Variants in MAP3K14 observed in about 807,000 individuals in gnomAD.
MAP3K14 encodes mitogen-activated protein kinase kinase kinase 14, also known as NF-kappa-beta-inducing kinase.
Under a neutral mutation model 99.2 loss-of-function variants are expected in MAP3K14, and 16 were observed. The observed-to-expected ratio is 0.16, with a 90% confidence interval of 0.11 to 0.24. MAP3K14 has a LOEUF of 0.24. Ranked by LOEUF, MAP3K14 falls within the 10% of genes least tolerant of loss-of-function variation. MAP3K14 has a pLI of 1.00. For synonymous variants in MAP3K14, 462 were observed against 492.4 expected (o/e 0.94, Z 0.82); for missense variants, 784 against 1,208.7 (o/e 0.65, Z 5.21).
intron 8 of MAP3K14, 142 bp from the exon 9 acceptor site, chr17:45,273,749 T>G (rs1175770736): frequency 1.4e-6 from 1 of 724,586 alleles, no homozygotes; most frequent in Non-Finnish European, 2.5e-6. Context: ...ATTAGTTTCA[T>G]TAATCGTGGA....
At chr17:45,306,262 CAA>C (rs967949458) in intron 1 of MAP3K14, among the ~76,000 whole-genome samples, 14 of 152,142 alleles carry the variant, frequency 9.2e-5, no homozygotes, top group African/African-American at 3.4e-4. Context: ...AGGATTTGCA[CAA>C]GAGACTTTTA....
At chr17:45,299,568 G>C (rs774602659) in intron 1 of MAP3K14, among the ~76,000 whole-genome samples, 1 of 152,154 alleles carries the variant, frequency 6.6e-6, no homozygotes, top group Non-Finnish European at 1.5e-5. Context: ...AGATGTCTGA[G>C]GAAGGAGGAA....
chr17:45,276,823 CTTTTTTTTT>C (rs35012373), intron 6 of MAP3K14, among the ~76,000 whole-genome samples: 2 of 62,258 alleles, frequency 3.2e-5, no homozygotes, highest in African/African-American at 1.4e-4. Context: ...TCTTAGACTT[CTTTTTTTTT>C]TTTTTTTTTT....
Position 45,273,497 on chromosome 17 carries a change from C to A in MAP3K14, c.1657+6G>T. On this transcript the variant is annotated splice_donor_region_variant and intron_variant, in intron 9 of 15. Transcript: ENST00000344686. ...GGGGGGCACGGCAGTTGGTGGGGGG[C>A]CTTACCTGTGAGCAAGGACTTTCCC... The A allele has an allele frequency of 6.2e-7, 1 of 1,605,564 alleles. No individual in the cohort carries two copies. The highest frequency in any genetic ancestry group is 1.3e-5 in the African/African-American group (1 of 74,808).
intron 6 of MAP3K14, among the ~76,000 whole-genome samples, chr17:45,276,831 T>A (rs1055376111): frequency 7.6e-6 from 1 of 131,152 alleles, no homozygotes; most frequent in African/African-American, 2.9e-5. Flanking sequence ...TTCTTTTTTT[T>A]TTTTTTTTTT....
intron 1 of MAP3K14, among the ~76,000 whole-genome samples, chr17:45,301,078 G>A (rs2044384402): frequency 6.6e-6 from 1 of 151,928 alleles, no homozygotes. Context: ...TGAGGTGGAA[G>A]GATTGCTTTA....
At chr17:45,278,936 T>C (rs1000839205) in intron 6 of MAP3K14, among the ~76,000 whole-genome samples, 2 of 152,074 alleles carry the variant, frequency 1.3e-5, no homozygotes, top group African/African-American at 2.4e-5. Flanking sequence ...ATGTTGAGAT[T>C]ACAAGTGTGA....
Position 45,272,739 on chromosome 17 carries a change from A to T in MAP3K14, c.1657+764T>A, listed in dbSNP as rs1360575192. Among the ~76,000 whole-genome samples the T allele has an allele frequency of 6.6e-6, 1 of 152,220 alleles. No individual in the cohort carries two copies. The highest frequency in any genetic ancestry group is 1.5e-5 in the Non-Finnish European group (1 of 68,048). On this transcript the variant is annotated intron_variant, in intron 9 of 15. Coordinates refer to ENST00000344686, the MANE Select transcript of MAP3K14 (RefSeq NM_003954.5). This position sits in a 1 kb window ranked among gnomAD's most constrained non-coding sequence, Gnocchi z 4.1. ...CGGATCACCTAAGGTCTGGAGTTTG[A>T]GACTGGCCTGGCCAATATGGCAAAA... is the stretch of plus-strand genomic sequence containing the variant.
chr17:45,270,211 C>G (rs2044131520), intron 11 of MAP3K14, among the ~76,000 whole-genome samples: 2 of 152,132 alleles, frequency 1.3e-5, no homozygotes, highest in Non-Finnish European at 1.5e-5. Context: ...TTTTCTCTTT[C>G]CCATCTCCTG....
intron 6 of MAP3K14, among the ~76,000 whole-genome samples, chr17:45,275,749 T>C (rs973505230): frequency 2.1e-5 from 3 of 142,482 alleles, no homozygotes; most frequent in African/African-American, 7.7e-5. Flanking sequence ...CATTTTTTTT[T>C]CTTTTCTTTT....
chr17:45,274,442 AGAGTGGGACCT>A lies in MAP3K14; in HGVS notation c.1420+11_1420+21del. 6.2e-7 allele frequency: 1 copy of A among 1,612,670 alleles called. No individual in the cohort carries two copies. The highest frequency in any genetic ancestry group is 1.7e-5 in the Admixed American group (1 of 59,824). The stretch of plus-strand genomic sequence containing the variant: ...AACTCTTGGCCCTGAATTTGGAGAA[AGAGTGGGACCT>A]GGCTCCTTACCTTCCAGCAGCTCCA... On this transcript the variant is annotated intron_variant, in intron 7 of 15. Coordinates refer to ENST00000344686, the MANE Select transcript of MAP3K14 (RefSeq NM_003954.5).
At chr17:45,276,893 T>C (rs1598248685) in intron 6 of MAP3K14, among the ~76,000 whole-genome samples, 1 of 132,928 alleles carries the variant, frequency 7.5e-6, no homozygotes, top group Middle Eastern at 5.2e-3. Flanking sequence ...AGTGGTGTGA[T>C]ATCTCAGCTC....
At chr17:45,293,237 T>C (rs1007096025) in intron 1 of MAP3K14, among the ~76,000 whole-genome samples, 4 of 152,186 alleles carry the variant, frequency 2.6e-5, no homozygotes, top group African/African-American at 9.7e-5. Context: ...GGTGGTGCAG[T>C]TGCTGCTCTG....
At chr17:45,314,740 C>T (rs993568066) in intron 1 of MAP3K14, among the ~76,000 whole-genome samples, 11 of 152,060 alleles carry the variant, frequency 7.2e-5, no homozygotes, top group Non-Finnish European at 1.3e-4. Context: ...GATTTCTGAA[C>T]TTTCCCCCCA....
intron 1 of MAP3K14, among the ~76,000 whole-genome samples, chr17:45,307,757 T>C (rs1231450713): frequency 6.6e-6 from 1 of 152,210 alleles, no homozygotes; most frequent in East Asian, 1.9e-4. Context: ...TTCAAGTTCA[T>C]TGTAGTCACT....
At chr17:45,265,322 G>A (rs1286789454) in intron 14 of MAP3K14, 59 bp from the exon 15 acceptor site, 1 of 1,132,608 alleles carries the variant, frequency 8.8e-7, no homozygotes, top group African/African-American at 1.5e-5. Flanking sequence ...AAGGACCAGG[G>A]TCCTGGCAGG....
intron 1 of MAP3K14, among the ~76,000 whole-genome samples, chr17:45,291,203 G>A (rs1020870461): frequency 6.6e-6 from 1 of 152,148 alleles, no homozygotes; most frequent in Non-Finnish European, 1.5e-5. Context: ...TAAGCCTTTG[G>A]AGAGGACCTG....
chr17:45,297,302 T>C (rs2044352942), intron 1 of MAP3K14, among the ~76,000 whole-genome samples: 1 of 152,200 alleles, frequency 6.6e-6, no homozygotes, highest in Non-Finnish European at 1.5e-5. Context: ...ACCCCTAGCA[T>C]CTGCCCATCT....
chr17:45,277,837 G>A (rs1319137374), intron 6 of MAP3K14, among the ~76,000 whole-genome samples: 2 of 152,178 alleles, frequency 1.3e-5, no homozygotes, highest in African/African-American at 4.8e-5. Context: ...ATGAAGCTAT[G>A]TTTTTGCAGG....
Sources: gnomAD v4.1 joint callset for allele counts (sites outside exome capture counted in the v4.1 genomes callset) on GRCh38, gnomAD v4.1.1 for gene constraint, Gnocchi (gnomAD v3.1) non-coding constraint, MANE v1.5 for transcripts, NCBI Gene and HGNC (gene_info 2026-07-23, HGNC 2026-07-21) for gene names.